STK17A: variants seen among roughly 807,000 people sequenced by gnomAD.
STK17A encodes serine/threonine kinase 17a, also known as serine/threonine-protein kinase 17A.
Under a neutral mutation model 43.7 loss-of-function variants are expected in STK17A, and 26 were observed. The ratio of observed to expected loss-of-function variants is 0.60; its 90% CI spans 0.44 to 0.83. STK17A has a LOEUF of 0.83. STK17A is among the 40% of genes least tolerant of loss of function. The pLI, the probability that STK17A is intolerant of heterozygous loss-of-function variation, is 0.00. For missense variants in STK17A, 476 were observed against 511.6 expected (o/e 0.93, Z 0.67); for synonymous variants, 191 against 182.5 (o/e 1.05, Z -0.38).
chr7:43,610,346 C>CAAAAA (rs138859141), intron 3 of STK17A, among the ~76,000 whole-genome samples: 6 of 41,320 alleles, frequency 1.5e-4, no homozygotes, highest in African/African-American at 2.2e-4. Context: ...GACTCCGTCT[C>CAAAAA]AAAAAAAAAA....
In STK17A at chr7:43,625,809, TGA is replaced by T. The variant is rs2084463945; in HGVS notation, c.*969_*970del. 6.6e-6 allele frequency: 1 copy of T among 151,802 alleles called. No homozygotes were observed. The highest frequency in any genetic ancestry group is 2.4e-5 in the African/African-American group (1 of 41,390). The allele number at this position is 151,802 out of a possible 1,614,324, so 9.4% of individuals were successfully genotyped here. A position where few individuals can be genotyped will look rare whatever the true frequency, so the allele number is the denominator to read the frequency against. On this transcript the variant is annotated 3_prime_UTR_variant, in exon 7 of 7. Transcript: ENST00000319357. The stretch of plus-strand genomic sequence containing the variant: ...CATGCCAACCACAGCCTGTTTCTGC[TGA>T]GTTTCTTATCAGCCCTCAAGCTATG...
chr7:43,610,582 G>A (rs757443004), intron 3 of STK17A, among the ~76,000 whole-genome samples: 122 of 151,962 alleles, frequency 8.0e-4, no homozygotes, highest in Non-Finnish European at 1.6e-3. Context: ...GGGGAGAATC[G>A]CTTGAATCCG....
At chr7:43,620,920 ACT>A (rs1205418870) in intron 4 of STK17A, among the ~76,000 whole-genome samples, 1 of 151,842 alleles carries the variant, frequency 6.6e-6, no homozygotes, top group Non-Finnish European at 1.5e-5. Flanking sequence ...CTGAGGGAAG[ACT>A]CTGTGCCTGA....
chr7:43,589,222 G>A (rs2082463323), intron 1 of STK17A, among the ~76,000 whole-genome samples: 2 of 151,488 alleles, frequency 1.3e-5, no homozygotes, highest in African/African-American at 4.8e-5. Context: ...TTGCACACCT[G>A]CCATGTGCAG....
At chr7:43,596,197 C>A in intron 2 of STK17A, 84 bp downstream of exon 2, 2 of 1,273,566 alleles carry the variant, frequency 1.6e-6, no homozygotes, top group Non-Finnish European at 2.1e-6. Context: ...ATAATGTTGC[C>A]AGGCCTGGTT....
chr7:43,589,937 A>AATTTTATTTTATTTT (rs60703469), intron 1 of STK17A, among the ~76,000 whole-genome samples: 1,352 of 103,846 alleles, frequency 0.013, 29 homozygotes, highest in African/African-American at 0.033. Context: ...TTTTAATTTT[A>AATTTTATTTTATTTT]ATTTTATTTT....
intron 3 of STK17A, among the ~76,000 whole-genome samples, chr7:43,614,669 GCT>G (rs1168958925): frequency 6.6e-6 from 1 of 152,184 alleles, no homozygotes; most frequent in East Asian, 1.9e-4. Context: ...CCATGAAATA[GCT>G]CTGATTTTAT....
At chr7:43,585,612 C>A (rs972233184) in intron 1 of STK17A, among the ~76,000 whole-genome samples, 8 of 151,524 alleles carry the variant, frequency 5.3e-5, no homozygotes, top group Middle Eastern at 6.8e-3. Context: ...CCTTTTTTAT[C>A]GCATAGGAGT....
chr7:43,592,012 C>A (rs1015062184), intron 1 of STK17A, among the ~76,000 whole-genome samples: 1 of 151,584 alleles, frequency 6.6e-6, no homozygotes, highest in Non-Finnish European at 1.5e-5. Context: ...GAGGGCCGTT[C>A]TACTGAGTCA....
In STK17A at chr7:43,608,270, A is replaced by C. The variant is rs1464180703; in HGVS notation, c.434A>C (p.Glu145Ala). Residue 145 changes from glutamate (E) to alanine (A), a missense_variant, in exon 3 of 7, where the codon GAA (glutamate) becomes GCA (alanine). By Grantham distance (107) the Glu-to-Ala change is moderately radical (BLOSUM62 -1). Coordinates refer to ENST00000319357, the MANE Select transcript of STK17A (RefSeq NM_004760.3). ...ILVLEYAAGG[E>A]IFDQCVADRE... ...CCCTTCTCTAGTGCTGCTGGGGGTGAAATCTTTGACCAGTGTGTTGCAGAC... is the reference window on the plus strand; with the variant it reads ...CCCTTCTCTAGTGCTGCTGGGGGTGCAATCTTTGACCAGTGTGTTGCAGAC... 4 of 1,612,424 alleles carry C rather than the reference A, an allele frequency of 2.5e-6. No individual in the cohort carries two copies. The highest frequency in any genetic ancestry group is 3.4e-6 in the Non-Finnish European group (4 of 1,179,592).
chr7:43,614,216 T>G (rs368030960), intron 3 of STK17A, among the ~76,000 whole-genome samples: 1 of 152,158 alleles, frequency 6.6e-6, no homozygotes, highest in Non-Finnish European at 1.5e-5. Flanking sequence ...TGTACAAAGA[T>G]GAAGATACCG....
chr7:43,615,134 T>C (rs950556249), intron 3 of STK17A, among the ~76,000 whole-genome samples: 3 of 152,182 alleles, frequency 2.0e-5, no homozygotes, highest in Non-Finnish European at 4.4e-5. Flanking sequence ...TTTGCCTGAA[T>C]AATAAGACAT....
At chr7:43,585,348 A>G (rs1447515050) in intron 1 of STK17A, among the ~76,000 whole-genome samples, 1 of 142,806 alleles carries the variant, frequency 7.0e-6, no homozygotes, top group African/African-American at 2.5e-5. Flanking sequence ...TTTGCACCCC[A>G]CCAGGTGTTA....
chr7:43,601,767 C>T (rs766777293), intron 2 of STK17A, among the ~76,000 whole-genome samples: 8 of 152,186 alleles, frequency 5.3e-5, no homozygotes, highest in African/African-American at 1.2e-4. Context: ...GTGTGTCCCT[C>T]CTCCTGTGCT....
chr7:43,617,231 GTTACC>G (rs1389951379), intron 3 of STK17A, among the ~76,000 whole-genome samples: 2 of 152,152 alleles, frequency 1.3e-5, no homozygotes, highest in Admixed American at 1.3e-4. Context: ...GAGTTTGGAG[GTTACC>G]TAAGAGCAAT....
At chr7:43,621,815 A>C in intron 4 of STK17A, among the ~76,000 whole-genome samples, 1 of 152,214 alleles carries the variant, frequency 6.6e-6, no homozygotes. Context: ...AAAATGATTC[A>C]AAAGTACATA....
chr7:43,608,435 G>C (rs1235200982), intron 3 of STK17A, 35 bp downstream of exon 3: 1 of 1,584,344 alleles, frequency 6.3e-7, no homozygotes, highest in Non-Finnish European at 8.6e-7. Flanking sequence ...GATTGCTAAA[G>C]AATGACATTC....
At chr7:43,615,567 G>GT (rs1010762745) in intron 3 of STK17A, among the ~76,000 whole-genome samples, 4 of 152,058 alleles carry the variant, frequency 2.6e-5, no homozygotes, top group Non-Finnish European at 5.9e-5. Context: ...GTACATAGGT[G>GT]TTTTTTTCGT....
Position 43,589,933 on chromosome 7 carries a change from T to TTTTAA in STK17A, c.207-5964_207-5960dup, listed in dbSNP as rs1269144472. Reference sequence around the variant, plus strand: ...TTATTTTAATTTTATTTAATTTTAATTTTAATTTTATTTTATTTTATTTTA... The same window carrying TTTTAA: ...TTATTTTAATTTTATTTAATTTTAATTTTAATTTAATTTTATTTTATTTTATTTTA... On this transcript the variant is annotated intron_variant, in intron 1 of 6. Coordinates refer to ENST00000319357, the MANE Select transcript of STK17A (RefSeq NM_004760.3). 4.2e-3 allele frequency among the ~76,000 whole-genome samples: 484 copies of TTTTAA among 114,686 alleles called. 10 individuals are homozygous for TTTTAA. Among genetic ancestry groups the TTTTAA allele is most frequent in the African/African-American group, 0.012 (440 of 35,976 alleles). The allele number at this position is 114,686 out of a possible 152,430, so 75.2% of individuals were successfully genotyped here. A position where few individuals can be genotyped will look rare whatever the true frequency, so the allele number is the denominator to read the frequency against.
Sources: allele counts gnomAD v4.1 joint callset (sites outside exome capture counted in the v4.1 genomes callset), GRCh38; gene constraint gnomAD v4.1.1; transcripts MANE v1.5; gene names NCBI Gene and HGNC (gene_info 2026-07-23, HGNC 2026-07-21).